Variants in CD99L2 observed in about 807,000 individuals in gnomAD.
CD99L2 encodes CD99 molecule like 2, also known as CD99 antigen-like protein 2.
CD99L2 carries 24 observed loss-of-function variants against 27.3 expected under a neutral mutation model. That is an observed-to-expected ratio of 0.88 (90% CI 0.64 to 1.24). The LOEUF is 1.24. Among genes scored for constraint, CD99L2 ranks in the 50% most tolerant of loss-of-function variants. The pLI is 0.00. For synonymous variants in CD99L2, 97 were observed against 87.9 expected (o/e 1.10, Z -0.58); for missense variants, 255 against 221.6 (o/e 1.15, Z -0.96).
At chrX:150,841,706 A>G (rs2046626084) in intron 1 of CD99L2, among the ~76,000 whole-genome samples, 2 of 111,537 alleles carry the variant, frequency 1.8e-5, no homozygotes, top group African/African-American at 6.5e-5. Context: ...GGAACATAAC[A>G]CAATGTTGTG....
In CD99L2 at chrX:150,768,875, C is replaced by G. The variant is rs1210652428; in HGVS notation, c.*159G>C. On this transcript the variant is annotated 3_prime_UTR_variant, in exon 11 of 11. Transcript: ENST00000370377. ...GCACGCTTGGGGCAGGGCAGAGAAA[C>G]CAAACTCACAAACACCCAGAGCTCA... 1 of 1,029,703 alleles carries G rather than the reference C, an allele frequency of 9.7e-7. No homozygotes were observed. The highest frequency in any genetic ancestry group is 1.2e-6 in the Non-Finnish European group (1 of 813,118). 84.9% of individuals were successfully genotyped at this position (1,029,703 alleles called of 1,213,427 possible). A position where few individuals can be genotyped will look rare whatever the true frequency, so the allele number is the denominator to read the frequency against.
chrX:150,847,314 G>T (rs2046717994), intron 1 of CD99L2, among the ~76,000 whole-genome samples: 1 of 111,897 alleles, frequency 8.9e-6, no homozygotes, highest in Non-Finnish European at 1.9e-5. Flanking sequence ...CCAACTTTGT[G>T]CCTGTTTTTC....
intron 7 of CD99L2, among the ~76,000 whole-genome samples, chrX:150,785,359 A>G (rs1320831866): frequency 1.8e-5 from 2 of 111,662 alleles, no homozygotes; most frequent in Non-Finnish European, 3.8e-5. Context: ...TGTAATTAAC[A>G]TTTTGCATCA....
intron 9 of CD99L2, 128 bp downstream of exon 9, chrX:150,776,046 C>T (rs1333562697): frequency 7.7e-6 from 7 of 906,572 alleles, no homozygotes; most frequent in African/African-American, 2.0e-5. Context: ...CCTCCACCCC[C>T]GTCCCAGGAA....
At chrX:150,788,920 A>C (rs782376387) in intron 7 of CD99L2, among the ~76,000 whole-genome samples, 1 of 111,724 alleles carries the variant, frequency 9.0e-6, no homozygotes, top group Admixed American at 9.5e-5. Context: ...TCAGCAATTG[A>C]TATTATCAGC....
chrX:150,843,748 CAT>C (rs1557421403), intron 1 of CD99L2, among the ~76,000 whole-genome samples: 1 of 110,909 alleles, frequency 9.0e-6, no homozygotes, highest in African/African-American at 3.3e-5. Context: ...TCTGGTAAAT[CAT>C]AGATGCATCA....
chrX:150,819,093 C>G, intron 2 of CD99L2: 1 of 322,640 alleles, frequency 3.1e-6, no homozygotes, highest in South Asian at 3.2e-5. Flanking sequence ...AGTTTTTCAT[C>G]TCCACTGCCA....
At chrX:150,783,717 A>T (rs1397612825) in intron 7 of CD99L2, among the ~76,000 whole-genome samples, 1 of 112,364 alleles carries the variant, frequency 8.9e-6, no homozygotes, top group African/African-American at 3.2e-5. Context: ...TAGCTGAGTG[A>T]GCCCAGCATA....
chrX:150,791,517 T>C (rs2045687448), intron 7 of CD99L2, among the ~76,000 whole-genome samples: 1 of 111,381 alleles, frequency 9.0e-6, no homozygotes, highest in Admixed American at 9.5e-5. Context: ...CAAAGTCAAA[T>C]GCTACAGAGG....
chrX:150,894,774 G>C (rs782211854), intron 1 of CD99L2, among the ~76,000 whole-genome samples: 11 of 110,450 alleles, frequency 1.0e-4, no homozygotes, highest in Non-Finnish European at 2.1e-4. Flanking sequence ...TTTTTGTAGA[G>C]ATGGGGCTCT....
At chrX:150,801,606 A>T (rs1438634506) in intron 4 of CD99L2, among the ~76,000 whole-genome samples, 1 of 110,673 alleles carries the variant, frequency 9.0e-6, no homozygotes, top group African/African-American at 3.3e-5. Context: ...GCCAAACCAG[A>T]TCAAGACCTT....
At chrX:150,794,364 A>G (rs1439336878) in intron 6 of CD99L2, among the ~76,000 whole-genome samples, 1 of 112,130 alleles carries the variant, frequency 8.9e-6, no homozygotes, top group Non-Finnish European at 1.9e-5. Flanking sequence ...CTGCAGCTAT[A>G]TGAGCTCCTG....
At chrX:150,793,789 A>G in intron 6 of CD99L2, 33 bp from the exon 7 acceptor site, 1 of 1,106,147 alleles carries the variant, frequency 9.0e-7, no homozygotes, top group Non-Finnish European at 1.2e-6. Flanking sequence ...TTCAACAACA[A>G]GAAAAAAAAA....
chrX:150,861,141 C>CAAAAAAAAAAAAAAAAAAAAAA (rs782255590), intron 1 of CD99L2, among the ~76,000 whole-genome samples: 6 of 40,914 alleles, frequency 1.5e-4, no homozygotes, highest in South Asian at 1.4e-3. Context: ...GACTCTGTCT[C>CAAAAAAAAAAAAAAAAAAAAAA]AAAAAAAAAA....
At chrX:150,852,588 C>T (rs569947147) in intron 1 of CD99L2, among the ~76,000 whole-genome samples, 3 of 110,596 alleles carry the variant, frequency 2.7e-5, no homozygotes, top group African/African-American at 6.6e-5. Context: ...AGGGAAAACC[C>T]GGACTCATTA....
chrX:150,822,074 G>A (rs1419774558), intron 2 of CD99L2, among the ~76,000 whole-genome samples: 1 of 112,316 alleles, frequency 8.9e-6, no homozygotes, highest in Non-Finnish European at 1.9e-5. Context: ...TATATAGCAT[G>A]TTCATAGTAA....
At chrX:150,880,221 T>A (rs1557422456) in intron 1 of CD99L2, among the ~76,000 whole-genome samples, 1 of 111,834 alleles carries the variant, frequency 8.9e-6, no homozygotes, top group Admixed American at 9.5e-5. Context: ...ATTAAAAACA[T>A]AAGTCCACAC....
chrX:150,778,685 A>AAT (rs374603167), intron 7 of CD99L2, among the ~76,000 whole-genome samples: 13 of 81,525 alleles, frequency 1.6e-4, no homozygotes, highest in African/African-American at 6.4e-4. Flanking sequence ...AAAAAAAAAA[A>AAT]ATATATATAT....
intron 9 of CD99L2, among the ~76,000 whole-genome samples, chrX:150,772,623 A>G (rs1177391812): frequency 1.8e-5 from 2 of 112,978 alleles, no homozygotes; most frequent in Admixed American, 1.9e-4. Context: ...GTCCCGCTGG[A>G]GGAGCGTGAG....
Sources: gnomAD v4.1 joint callset for allele counts (sites outside exome capture counted in the v4.1 genomes callset) on GRCh38, gnomAD v4.1.1 for gene constraint, MANE v1.5 for transcripts, NCBI Gene and HGNC (gene_info 2026-07-23, HGNC 2026-07-21) for gene names.